The following TBC1D4 variants were observed in gnomAD, a reference collection of about 807,000 sequenced individuals.
TBC1D4 encodes the protein TBC (Tre-2, BUB2, CDC16) domain-containing protein.
Under a neutral mutation model 142.5 loss-of-function variants are expected in TBC1D4, and 121 were observed. The observed-to-expected ratio is 0.85, with a 90% CI of 0.73 to 0.99. The LOEUF is 0.99. Ranked by LOEUF, TBC1D4 falls within the 50% of genes least tolerant of loss-of-function variation. TBC1D4 has a pLI of 0.00. For synonymous variants in TBC1D4, 630 were observed against 628.2 expected, an observed-to-expected ratio of 1.00 and a Z score of -0.04; for missense variants, 1,475 against 1,606.6, an observed-to-expected ratio of 0.92 and a Z score of 1.40.
intron 1 of TBC1D4, among the ~76,000 whole-genome samples, chr13:75,472,106 C>CA (rs59823952): frequency 8.2e-6 from 1 of 121,958 alleles, no homozygotes; most frequent in Admixed American, 8.1e-5. Context: ...GACTCTGTCT[C>CA]AAAAAAAAAA....
At chr13:75,363,780 G>T (rs1882728068) in intron 1 of TBC1D4, among the ~76,000 whole-genome samples, 1 of 152,162 alleles carries the variant, frequency 6.6e-6, no homozygotes, top group Non-Finnish European at 1.5e-5. Flanking sequence ...AGATTTTCTG[G>T]TTCACAACTC....
chr13:75,479,276 T>C (rs887293577), intron 1 of TBC1D4, among the ~76,000 whole-genome samples: 3 of 152,138 alleles, frequency 2.0e-5, no homozygotes, highest in Non-Finnish European at 4.4e-5. Context: ...CAAATAGTAA[T>C]TCATATCTTT....
Position 75,337,059 on chromosome 13 carries a change from A to T in TBC1D4, c.1612-19T>A. 6.2e-7 allele frequency: 1 copy of T among 1,608,632 alleles called. No individual in the cohort carries two copies. The highest frequency in any genetic ancestry group is 1.1e-5 in the South Asian group (1 of 90,894). On this transcript the variant is annotated intron_variant, in intron 7 of 20. Coordinates refer to ENST00000377636, the MANE Select transcript of TBC1D4 (RefSeq NM_014832.5). ...AAATAGTCTAAAAAAAGAAAAACAG[A>T]TACATTTTAGTTTGGAAATACTCAA... is the stretch of plus-strand genomic sequence containing the variant.
chr13:75,410,873 T>C (rs1396477012), intron 1 of TBC1D4, among the ~76,000 whole-genome samples: 4 of 127,710 alleles, frequency 3.1e-5, no homozygotes, highest in African/African-American at 5.9e-5. Flanking sequence ...GAGGCGGAGC[T>C]TGCAGTGAGC....
intron 11 of TBC1D4, among the ~76,000 whole-genome samples, chr13:75,321,430 T>C (rs1878775971): frequency 7.9e-6 from 1 of 126,842 alleles, no homozygotes; most frequent in Non-Finnish European, 1.8e-5. Context: ...AATATAGCGG[T>C]GCATATATAT....
intron 13 of TBC1D4, 97 bp from the exon 14 acceptor site, chr13:75,310,248 A>G: frequency 7.9e-7 from 1 of 1,271,706 alleles, no homozygotes. Flanking sequence ...TTCTACACTT[A>G]AAAATGTCAC....
At chr13:75,383,506 G>A (rs949717297) in intron 1 of TBC1D4, among the ~76,000 whole-genome samples, 3 of 152,128 alleles carry the variant, frequency 2.0e-5, no homozygotes, top group Admixed American at 6.5e-5. Context: ...TCGTACAGTA[G>A]TCCCTCCTTA....
intron 1 of TBC1D4, among the ~76,000 whole-genome samples, chr13:75,398,948 T>C (rs1407917442): frequency 6.6e-6 from 1 of 152,202 alleles, no homozygotes; most frequent in Admixed American, 6.5e-5. Context: ...ACCAATCTTA[T>C]CTTCAAAGAT....
intron 13 of TBC1D4, among the ~76,000 whole-genome samples, chr13:75,311,322 G>A (rs1021292569): frequency 2.0e-5 from 3 of 152,196 alleles, no homozygotes; most frequent in Non-Finnish European, 4.4e-5. Flanking sequence ...CCAGCAACGA[G>A]TTTAAATAAA....
chr13:75,365,483 G>A (rs1326962557), intron 1 of TBC1D4, among the ~76,000 whole-genome samples: 2 of 152,126 alleles, frequency 1.3e-5, no homozygotes, highest in Admixed American at 6.5e-5. Flanking sequence ...TGAGTGATCA[G>A]AGAATCATGA....
At chr13:75,317,432 C>T (rs560986812) in intron 12 of TBC1D4, among the ~76,000 whole-genome samples, 8 of 152,198 alleles carry the variant, frequency 5.3e-5, no homozygotes, top group African/African-American at 1.7e-4. Context: ...CTTTTCTTTG[C>T]TTTGAAATAA....
At chr13:75,367,292 T>A (rs899401062) in intron 1 of TBC1D4, among the ~76,000 whole-genome samples, 1 of 152,194 alleles carries the variant, frequency 6.6e-6, no homozygotes, top group African/African-American at 2.4e-5. Flanking sequence ...AAGAGAAGAT[T>A]AATCTACAGT....
Position 75,436,669 on chromosome 13 carries a change from A to C in TBC1D4, c.498+44601T>G, listed in dbSNP as rs190564431. On this transcript the variant is annotated intron_variant, in intron 1 of 20. Coordinates refer to ENST00000377636, the MANE Select transcript of TBC1D4 (RefSeq NM_014832.5). ...GAGACCCTGTCTCCAAAAAAAAAAA[A>C]CAAAAAACATTTTACAACCATCATA... Among the ~76,000 whole-genome samples the C allele has an allele frequency of 1.3e-3, 194 of 152,000 alleles. 2 individuals are homozygous for C. The highest frequency in any genetic ancestry group is 4.6e-3 in the African/African-American group (192 of 41,430).
intron 1 of TBC1D4, among the ~76,000 whole-genome samples, chr13:75,420,371 T>C (rs1216473749): frequency 1.3e-5 from 2 of 152,240 alleles, no homozygotes; most frequent in African/African-American, 4.8e-5. Flanking sequence ...AAAAAGTGAA[T>C]GTATAGCATG....
chr13:75,384,754 C>G (rs1322461993), intron 1 of TBC1D4, among the ~76,000 whole-genome samples: 1 of 151,962 alleles, frequency 6.6e-6, no homozygotes, highest in Non-Finnish European at 1.5e-5. Context: ...AAAGATTATT[C>G]CTTCCACAAC....
At chr13:75,309,514 A>C (rs2297202) in intron 14 of TBC1D4, among the ~76,000 whole-genome samples, 61,655 of 151,960 alleles carry the variant, frequency 0.41, 13,648 homozygotes, top group South Asian at 0.65. Context: ...TATTTCTCCC[A>C]TTATGAATGT....
At chr13:75,304,704 C>T (rs918750244) in intron 15 of TBC1D4, among the ~76,000 whole-genome samples, 4 of 151,778 alleles carry the variant, frequency 2.6e-5, no homozygotes, top group South Asian at 2.1e-4. Flanking sequence ...CGCATAAAGG[C>T]CCTGAGACGG....
chr13:75,305,354 T>A lies in TBC1D4; in HGVS notation c.2752+959A>T, dbSNP rs191993586. On this transcript the variant is annotated intron_variant, in intron 15 of 20. Coordinates refer to ENST00000377636, the MANE Select transcript of TBC1D4 (RefSeq NM_014832.5). Reference sequence around the variant, plus strand: ...GCCAAGAAGTTTAAACTGTATCCAATAAGAAATAGGAAGATAAGCACTCCT... The same window carrying A: ...GCCAAGAAGTTTAAACTGTATCCAAAAAGAAATAGGAAGATAAGCACTCCT... Among the ~76,000 whole-genome samples, 4 of 152,276 alleles carry A rather than the reference T, an allele frequency of 2.6e-5. No homozygotes were observed. In the East Asian group the frequency reaches 7.7e-4, roughly 29 times the overall value.
chr13:75,360,042 G>A (rs1882372900), intron 2 of TBC1D4, among the ~76,000 whole-genome samples, 184 bp from the exon 3 acceptor site: 1 of 152,050 alleles, frequency 6.6e-6, no homozygotes, highest in Non-Finnish European at 1.5e-5. Context: ...CCTCAAAAAT[G>A]TTTCTTTCCT....
Sources: gnomAD v4.1 joint callset for allele counts (sites outside exome capture counted in the v4.1 genomes callset) on GRCh38, gnomAD v4.1.1 for gene constraint, MANE v1.5 for transcripts, NCBI Gene and HGNC (gene_info 2026-07-23, HGNC 2026-07-21) for gene names.